RASGRF2: variants seen among roughly 807,000 people sequenced by gnomAD.
RASGRF2 encodes Ras protein specific guanine nucleotide releasing factor 2, also known as ras-specific guanine nucleotide-releasing factor 2.
A neutral mutation model predicts 151.0 loss-of-function variants in RASGRF2; 76 were observed. The ratio of observed to expected loss-of-function variants is 0.50; its 90% CI spans 0.42 to 0.61. The LOEUF (loss-of-function observed/expected upper bound fraction) is 0.61. Among genes scored for constraint, RASGRF2 ranks in the 20% least tolerant of loss-of-function variants. RASGRF2 has a pLI of 0.00. For synonymous variants in RASGRF2, 504 were observed against 566.5 expected (o/e 0.89, Z 1.57); for missense variants, 1,148 against 1,564.6 (o/e 0.73, Z 4.49).
intron 17 of RASGRF2, among the ~76,000 whole-genome samples, 190 bp from the exon 18 acceptor site, chr5:81,179,985 C>T (rs1754874753): frequency 6.6e-6 from 1 of 152,114 alleles, no homozygotes; most frequent in African/African-American, 2.4e-5. Context: ...CCTGTAACCG[C>T]ACGAGGGCCT....
At chr5:80,992,039 G>A (rs754369898) in intron 1 of RASGRF2, among the ~76,000 whole-genome samples, 1 of 152,152 alleles carries the variant, frequency 6.6e-6, no homozygotes, top group Non-Finnish European at 1.5e-5. Context: ...ATCGATGCCT[G>A]CTGTGTCTGT....
At chr5:81,208,620 C>T (rs1436668791) in intron 22 of RASGRF2, among the ~76,000 whole-genome samples, 182 bp downstream of exon 22, 1 of 141,550 alleles carries the variant, frequency 7.1e-6, no homozygotes, top group Non-Finnish European at 1.5e-5. Context: ...GGCGTGATCT[C>T]AGCTCACTGC....
At position 81,219,721 on chromosome 5, in the gene RASGRF2, C is replaced by T. The variant is rs148065398; in HGVS notation, c.3564C>T (p.Ile1188=). 1.4e-5 allele frequency: 22 copies of T among 1,609,466 alleles called. No individual in the cohort carries two copies. The highest frequency in any genetic ancestry group is 1.9e-5 in the Non-Finnish European group (22 of 1,175,926). ...NFSKMRMISH[I]IREIRQFQQT... is the part of the protein sequence containing the mutation. ...TTTTTCTCTGTTAGATATCACACAT[C>T]ATCAGAGAGATACGCCAGTTCCAGC... The change falls in exon 26 of 27, where the codon ATC becomes ATT. Residue 1188 remains isoleucine, a synonymous_variant. Transcript: ENST00000265080.
chr5:81,120,830 A>G (rs1465585829), intron 15 of RASGRF2, among the ~76,000 whole-genome samples: 1 of 152,226 alleles, frequency 6.6e-6, no homozygotes, highest in Non-Finnish European at 1.5e-5. Context: ...TTGTGCGGGC[A>G]CATGCTTGCT....
At chr5:81,029,213 C>A (rs1377262821) in intron 1 of RASGRF2, among the ~76,000 whole-genome samples, 1 of 152,186 alleles carries the variant, frequency 6.6e-6, no homozygotes, top group Non-Finnish European at 1.5e-5. Context: ...GTAGACTCCA[C>A]CTCTGAGGGC....
intron 18 of RASGRF2, among the ~76,000 whole-genome samples, chr5:81,189,744 G>A (rs1417023059): frequency 2.2e-5 from 3 of 134,282 alleles, no homozygotes; most frequent in Non-Finnish European, 3.1e-5. Context: ...ACAGAGTCTC[G>A]CTCTGTCTCC....
At chr5:81,152,133 C>G (rs978766887) in intron 17 of RASGRF2, among the ~76,000 whole-genome samples, 1 of 152,112 alleles carries the variant, frequency 6.6e-6, no homozygotes, top group African/African-American at 2.4e-5. Context: ...TCCAGAGTAG[C>G]TGGGATTACA....
chr5:81,121,193 A>G (rs1403936262), intron 15 of RASGRF2, among the ~76,000 whole-genome samples: 2 of 152,114 alleles, frequency 1.3e-5, no homozygotes, highest in African/African-American at 4.8e-5. Context: ...GAAAAAGGAG[A>G]CATTGATCCA....
intron 25 of RASGRF2, among the ~76,000 whole-genome samples, chr5:81,218,690 T>C (rs2112746781): frequency 6.6e-6 from 1 of 152,328 alleles, no homozygotes; most frequent in East Asian, 1.9e-4. Flanking sequence ...GGCTCCTTTT[T>C]GGTTCCATAT....
chr5:81,086,376 A>G (rs1752229716), intron 8 of RASGRF2, among the ~76,000 whole-genome samples: 1 of 152,274 alleles, frequency 6.6e-6, no homozygotes, highest in Non-Finnish European at 1.5e-5. Flanking sequence ...TGCATTTTGT[A>G]TTCATATTTG....
At chr5:81,047,967 A>C (rs752461481) in intron 2 of RASGRF2, among the ~76,000 whole-genome samples, 4 of 152,164 alleles carry the variant, frequency 2.6e-5, no homozygotes, top group Non-Finnish European at 4.4e-5. Context: ...AAAAAGGCTT[A>C]ATTTGCAGCA....
At chr5:81,183,255 C>A (rs567217584) in intron 18 of RASGRF2, 2 of 980,234 alleles carry the variant, frequency 2.0e-6, no homozygotes, top group East Asian at 1.1e-4. Context: ...ACCCACAGAT[C>A]TAGAGAATCA....
At chr5:81,061,940 C>T (rs1166802942) in intron 2 of RASGRF2, among the ~76,000 whole-genome samples, 2 of 147,542 alleles carry the variant, frequency 1.4e-5, no homozygotes, top group African/African-American at 5.0e-5. Context: ...CTGCCTGCCT[C>T]AGCCTCCCAA....
intron 9 of RASGRF2, 164 bp downstream of exon 9, chr5:81,087,117 T>C (rs1752257093): frequency 2.7e-6 from 2 of 730,616 alleles, no homozygotes; most frequent in East Asian, 5.0e-5. Flanking sequence ...CTTTGTGCTG[T>C]TTCTTTTCAG....
rs577775554 is a variant in RASGRF2 at position 81,114,074 on chromosome 5, T to G, written c.2470+154T>G. On this transcript the variant is annotated intron_variant, in intron 15 of 26. Coordinates refer to ENST00000265080, the MANE Select transcript of RASGRF2 (RefSeq NM_006909.3). ...CTCAATGGTTAGTTAGAAGAGAAAA[T>G]TCCTGTAGATTCTTCTGGCCCTTCT... is the stretch of plus-strand genomic sequence containing the variant. 1.1e-4 allele frequency among the ~76,000 whole-genome samples: 17 copies of G among 152,308 alleles called. 2 individuals carry two copies. In the South Asian group the frequency reaches 1.7e-3, roughly 15 times the overall value.
intron 20 of RASGRF2, 68 bp downstream of exon 20, chr5:81,206,973 C>A: frequency 7.8e-7 from 1 of 1,279,468 alleles, no homozygotes; most frequent in Non-Finnish European, 1.1e-6. Context: ...GAGCAATATG[C>A]TTGTAACCGA....
intron 26 of RASGRF2, among the ~76,000 whole-genome samples, chr5:81,222,223 A>G (rs2112752563): frequency 6.6e-6 from 1 of 152,304 alleles, no homozygotes; most frequent in Non-Finnish European, 1.5e-5. Context: ...CTATGTAACC[A>G]TCAGTATTTG....
intron 1 of RASGRF2, among the ~76,000 whole-genome samples, chr5:81,005,916 A>G (rs1480804532): frequency 3.9e-5 from 6 of 152,154 alleles, no homozygotes; most frequent in Admixed American, 1.3e-4. Flanking sequence ...CTGACTGGCC[A>G]TGTGTTTGGA....
chr5:81,054,951 G>C (rs1751145788), intron 2 of RASGRF2, among the ~76,000 whole-genome samples: 1 of 152,142 alleles, frequency 6.6e-6, no homozygotes, highest in Non-Finnish European at 1.5e-5. Flanking sequence ...GTATAGGAAT[G>C]CTTGTGATTT....
Sources: gnomAD v4.1 joint callset for allele counts (sites outside exome capture counted in the v4.1 genomes callset) on GRCh38, gnomAD v4.1.1 for gene constraint, MANE v1.5 for transcripts, NCBI Gene and HGNC (gene_info 2026-07-23, HGNC 2026-07-21) for gene names.